The following DYNC1I1 variants were observed in gnomAD, a reference collection of about 807,000 sequenced individuals.
DYNC1I1 encodes the protein dynein cytoplasmic 1 intermediate chain 1, also known as cytoplasmic dynein 1 intermediate chain 1.
In DYNC1I1, 43 loss-of-function variants were observed where a neutral mutation model predicts 86.6. The observed-to-expected ratio is 0.50, with a 90% CI of 0.39 to 0.64. DYNC1I1 has a LOEUF of 0.64. DYNC1I1 is among the 30% of genes least tolerant of loss of function. The pLI is 0.00. For missense variants in DYNC1I1, 604 were observed against 788.8 expected (o/e 0.77, Z 2.81); for synonymous variants, 262 against 283.7 (o/e 0.92, Z 0.77).
chr7:95,799,640 GTT>G (rs199827687), intron 1 of DYNC1I1, among the ~76,000 whole-genome samples: 2 of 143,694 alleles, frequency 1.4e-5, no homozygotes. Flanking sequence ...TTTTTAAAAA[GTT>G]TTTTTTTTTT....
intron 4 of DYNC1I1, chr7:95,818,472 AATTT>A: frequency 1.8e-6 from 1 of 552,406 alleles, no homozygotes; most frequent in Non-Finnish European, 3.1e-6. Context: ...CAGCTGATTT[AATTT>A]TTTTTTTTTT....
intron 6 of DYNC1I1, among the ~76,000 whole-genome samples, chr7:95,928,543 G>T (rs1336049393): frequency 6.6e-6 from 1 of 152,122 alleles, no homozygotes; most frequent in South Asian, 2.1e-4. Context: ...CACACAGGCT[G>T]CAGGGGGAGT....
intron 3 of DYNC1I1, among the ~76,000 whole-genome samples, chr7:95,812,689 TTCTC>T (rs1794856175): frequency 6.6e-6 from 1 of 152,206 alleles, no homozygotes; most frequent in Admixed American, 6.5e-5. Flanking sequence ...CATTTACCCT[TTCTC>T]TATCTGTCAC....
intron 1 of DYNC1I1, among the ~76,000 whole-genome samples, chr7:95,796,802 C>T (rs1305978363): frequency 3.3e-5 from 5 of 151,836 alleles, no homozygotes; most frequent in Non-Finnish European, 5.9e-5. Flanking sequence ...AGCTGGGGAA[C>T]CCCTAGGGGT....
chr7:95,978,720 C>G (rs1038977147), intron 7 of DYNC1I1, among the ~76,000 whole-genome samples: 10 of 152,190 alleles, frequency 6.6e-5, no homozygotes, highest in African/African-American at 2.4e-4. Context: ...CACTTCAACA[C>G]CTTGTGCTCT....
chr7:96,025,444 C>T (rs1562975943), intron 10 of DYNC1I1, among the ~76,000 whole-genome samples: 1 of 151,656 alleles, frequency 6.6e-6, no homozygotes, highest in Admixed American at 6.6e-5. Context: ...AAAAAAAAGT[C>T]TAATCTTATT....
intron 7 of DYNC1I1, among the ~76,000 whole-genome samples, chr7:95,984,285 T>C (rs578110620): frequency 1.2e-4 from 19 of 152,290 alleles, no homozygotes; most frequent in African/African-American, 4.6e-4. Flanking sequence ...CTTTTGAATA[T>C]AATTTATATA....
intron 16 of DYNC1I1, among the ~76,000 whole-genome samples, chr7:96,089,237 TTC>T (rs1482245303): frequency 2.9e-5 from 1 of 34,054 alleles, no homozygotes; most frequent in African/African-American, 1.6e-4. Context: ...ATTCCTCAGC[TTC>T]TTTTTTAACC....
rs1554443206 is a variant in DYNC1I1, at chr7:96,077,276, T to TGTGTGTGGGGGG, written c.1650+1080_1650+1081insTGTGTGGGGGGG. On this transcript the variant is annotated intron_variant, in intron 15 of 16. Transcript: ENST00000447467. ...GTGTGTGTGTGTGTGTGTGTGTGTG[T>TGTGTGTGGGGGG]GGGAGGGGGCAGGGAAATATTCTTC... Among the ~76,000 whole-genome samples the TGTGTGTGGGGGG allele has an allele frequency of 3.9e-4, 54 of 137,338 alleles. 2 individuals carry two copies. The highest frequency in any genetic ancestry group is 1.4e-3 in the African/African-American group (50 of 36,440). The allele number at this position is 137,338 out of a possible 152,430, so 90.1% of individuals were successfully genotyped here. A position where few individuals can be genotyped will look rare whatever the true frequency, so the allele number is the denominator to read the frequency against.
intron 1 of DYNC1I1, among the ~76,000 whole-genome samples, chr7:95,799,235 C>T (rs1201456759): frequency 2.6e-5 from 4 of 152,054 alleles, no homozygotes; most frequent in Admixed American, 6.6e-5. Context: ...AAAAATTAGC[C>T]GGGCCCAGTA....
At chr7:95,927,017 A>G (rs1584166841) in intron 6 of DYNC1I1, among the ~76,000 whole-genome samples, 1 of 152,186 alleles carries the variant, frequency 6.6e-6, no homozygotes, top group East Asian at 1.9e-4. Context: ...ATGACAATAC[A>G]ATGAAATTTT....
chr7:96,056,216 T>G (rs1045084324), intron 14 of DYNC1I1: 3 of 152,122 alleles, frequency 2.0e-5, no homozygotes, highest in African/African-American at 7.2e-5. Flanking sequence ...TGAGCTGAGT[T>G]TTGCTGTCTT....
At chr7:96,000,547 T>C (rs938507444) in intron 10 of DYNC1I1, among the ~76,000 whole-genome samples, 8 of 152,176 alleles carry the variant, frequency 5.3e-5, no homozygotes, top group African/African-American at 1.9e-4. Context: ...GGAATACCAG[T>C]ATACATGGTG....
chr7:95,786,651 T>C (rs1183903545), intron 1 of DYNC1I1, among the ~76,000 whole-genome samples: 1 of 152,088 alleles, frequency 6.6e-6, no homozygotes, highest in Non-Finnish European at 1.5e-5. Flanking sequence ...TCTTAGCAAA[T>C]TAAAAATTTT....
At chr7:96,038,016 C>A (rs1584269174) in intron 13 of DYNC1I1, among the ~76,000 whole-genome samples, 1 of 152,234 alleles carries the variant, frequency 6.6e-6, no homozygotes, top group East Asian at 1.9e-4. Context: ...TTTCAGGATG[C>A]TGTTAAGAGC....
intron 6 of DYNC1I1, among the ~76,000 whole-genome samples, chr7:95,955,722 G>A (rs948680736): frequency 3.3e-5 from 5 of 152,124 alleles, no homozygotes; most frequent in East Asian, 1.9e-4. Flanking sequence ...ACCAGCTTAC[G>A]TGCAAGGAAC....
At chr7:95,814,444 T>C (rs1394719527) in intron 4 of DYNC1I1, among the ~76,000 whole-genome samples, 1 of 152,222 alleles carries the variant, frequency 6.6e-6, no homozygotes, top group African/African-American at 2.4e-5. Context: ...TTTTGGCTTG[T>C]CTGTGTACCT....
intron 16 of DYNC1I1, among the ~76,000 whole-genome samples, chr7:96,108,623 GGAGGCC>G (rs559330301): frequency 6.6e-6 from 1 of 152,178 alleles, no homozygotes; most frequent in South Asian, 2.1e-4. Flanking sequence ...CAGCACTTTA[GGAGGCC>G]GAGGCGGGTG....
At chr7:95,906,094 C>T (rs2116325057) in intron 6 of DYNC1I1, among the ~76,000 whole-genome samples, 1 of 152,230 alleles carries the variant, frequency 6.6e-6, no homozygotes, top group East Asian at 1.9e-4. Context: ...TTCAAGTTTT[C>T]TGATAGACAT....
Sources: gnomAD v4.1 joint callset for allele counts (sites outside exome capture counted in the v4.1 genomes callset) on GRCh38, gnomAD v4.1.1 for gene constraint, MANE v1.5 for transcripts, NCBI Gene and HGNC (gene_info 2026-07-23, HGNC 2026-07-21) for gene names.